Variants in HCN4 observed in about 807,000 individuals in gnomAD.
HCN4 encodes potassium/sodium hyperpolarization-activated cyclic nucleotide-gated channel 4.
Under a neutral mutation model 76.9 loss-of-function variants are expected in HCN4, and 29 were observed. The ratio of observed to expected loss-of-function variants is 0.38; its 90% CI spans 0.28 to 0.51. HCN4 has a LOEUF of 0.51. Ranked by LOEUF, HCN4 falls within the 20% of genes least tolerant of loss-of-function variation. The pLI, the probability that HCN4 is intolerant of heterozygous loss-of-function variation, is 0.90. For missense variants in HCN4, 1,416 were observed against 1,715.2 expected (o/e 0.83, Z 3.08); for synonymous variants, 772 against 762.5 (o/e 1.01, Z -0.21).
At chr15:73,356,328 C>T (rs2043079800) in intron 1 of HCN4, among the ~76,000 whole-genome samples, 1 of 150,316 alleles carries the variant, frequency 6.7e-6, no homozygotes, top group Admixed American at 6.6e-5. Flanking sequence ...GCTGGGACTA[C>T]AGGCACACAC....
Position 73,322,902 on chromosome 15 carries a change from T to C in HCN4, c.3191A>G (p.Gln1064Arg). The C allele has an allele frequency of 7.6e-7, 1 of 1,307,642 alleles. No homozygotes were observed. The highest frequency in any genetic ancestry group is 9.9e-7 in the Non-Finnish European group (1 of 1,005,270). 81.0% of individuals were successfully genotyped at this position (1,307,642 alleles called of 1,614,324 possible). A position where few individuals can be genotyped will look rare whatever the true frequency, so the allele number is the denominator to read the frequency against. Residue 1064 changes from glutamine (Q) to arginine (R), a missense_variant, in exon 8 of 8, where the codon CAG becomes CGG. Gln to Arg is a conservative substitution (Grantham distance 43). Coordinates refer to ENST00000261917, the MANE Select transcript of HCN4 (RefSeq NM_005477.3). ...GGGTGTGCCCCGGCGCTGGGGGACC[T>C]GGGGTGGTGGGGGGCTGGATGCAGG... Reference protein sequence around the residue: ...LPPASSPPPPQVPQRRGTPPL... With the variant: ...LPPASSPPPPRVPQRRGTPPL...
chr15:73,336,751 G>A (rs996886975), intron 2 of HCN4, among the ~76,000 whole-genome samples: 12 of 151,852 alleles, frequency 7.9e-5, no homozygotes, highest in South Asian at 2.1e-4. Context: ...CTAAACACCC[G>A]CAAGATGACA....
At chr15:73,346,189 G>A (rs1167012395) in intron 1 of HCN4, among the ~76,000 whole-genome samples, 1 of 152,142 alleles carries the variant, frequency 6.6e-6, no homozygotes, top group Admixed American at 6.5e-5. Context: ...CAGAGCTGCT[G>A]GAGAGACAGT....
At position 73,321,484 on chromosome 15, in the gene HCN4, T is replaced by TAA. The variant is rs1175875171; in HGVS notation, c.*995_*996dup. Reference sequence around the variant, plus strand: ...ATGGTCTTTGTGAAACTGAAGGAGTTAATGTGTGTAAAGTGCGAAACCAGT... The same window carrying TAA: ...ATGGTCTTTGTGAAACTGAAGGAGTTAAAATGTGTGTAAAGTGCGAAACCAGT... On this transcript the variant is annotated 3_prime_UTR_variant, in exon 8 of 8. Transcript: ENST00000261917. 3.3e-5 allele frequency: 5 copies of TAA among 152,462 alleles called. No individual in the cohort carries two copies. The East Asian group carries it at 7.7e-4, about 23-fold the overall frequency. 9.4% of individuals were successfully genotyped at this position (152,462 alleles called of 1,614,324 possible).
rs751462164 is a variant in HCN4 at position 73,332,253 on chromosome 15, G to C, written c.1249C>G (p.Arg417Gly). The change falls in exon 3 of 8, where the codon CGC (arginine) becomes GGC (glycine). Residue 417 changes from arginine (R) to glycine (G), a missense_variant. Physicochemically the swap from Arg to Gly is moderately radical, Grantham distance 125. Coordinates refer to ENST00000261917, the MANE Select transcript of HCN4 (RefSeq NM_005477.3). The stretch of plus-strand genomic sequence containing the variant: ...ATCATGCCGATGAGGTTCACGATGC[G>C]CACCACGGCGCTGGCCAGGTCGTAG... Reference protein sequence around the residue: ...MTYDLASAVVRIVNLIGMMLL... With the variant: ...MTYDLASAVVGIVNLIGMMLL... 1 of 1,614,212 alleles carries C rather than the reference G, an allele frequency of 6.2e-7. No individual in the cohort carries two copies. Among genetic ancestry groups the C allele is most frequent in the South Asian group, 1.1e-5 (1 of 91,088 alleles).
At chr15:73,331,810 C>T (rs567700395) in intron 3 of HCN4, among the ~76,000 whole-genome samples, 1 of 152,238 alleles carries the variant, frequency 6.6e-6, no homozygotes, top group Non-Finnish European at 1.5e-5. Context: ...GCTGCCAGCC[C>T]AGCATTGCCA....
intron 2 of HCN4, among the ~76,000 whole-genome samples, chr15:73,339,263 G>T (rs1567782997): frequency 1.3e-5 from 2 of 152,340 alleles, no homozygotes; most frequent in African/African-American, 4.8e-5. Context: ...GATCGCCCAG[G>T]ATGGAGGCAA....
Position 73,322,552 on chromosome 15 carries a change from T to C in HCN4, c.3541A>G (p.Thr1181Ala). Reference sequence around the variant, plus strand: ...CCAGGTTCCCTCTGGGGTCCAGCAGTCAGAGGGGGCCCCCCAGAAGAGGTG... The same window carrying C: ...CCAGGTTCCCTCTGGGGTCCAGCAGCCAGAGGGGGCCCCCCAGAAGAGGTG... The part of the protein sequence containing the change: ...RATSSGGPPL[T>A]AGPQREPGAR... Residue 1181 changes from threonine (T) to alanine (A), a missense_variant, in exon 8 of 8, where the codon ACT (threonine) becomes GCT (alanine). This residue lies in a region of HCN4 where 633 missense variants were observed against 579.8 expected (regional missense o/e 1.09). Transcript: ENST00000261917. 1.2e-6 allele frequency: 2 copies of C among 1,606,778 alleles called. No homozygotes were observed. The highest frequency in any genetic ancestry group is 1.7e-6 in the Non-Finnish European group (2 of 1,176,974).
intron 1 of HCN4, among the ~76,000 whole-genome samples, chr15:73,352,391 C>T (rs1286528328): frequency 6.6e-6 from 1 of 152,196 alleles, no homozygotes; most frequent in Non-Finnish European, 1.5e-5. Flanking sequence ...CATCCAAACC[C>T]CCAAGACTCA....
At chr15:73,332,038 TG>T in intron 3 of HCN4, 92 bp downstream of exon 3, 2 of 1,292,192 alleles carry the variant, frequency 1.5e-6, no homozygotes, top group African/African-American at 1.5e-5. Flanking sequence ...TCCTACATGC[TG>T]GAACTCAGAA....
Position 73,368,057 on chromosome 15 carries a change from G to C in HCN4, c.214C>G (p.Leu72Val), listed in dbSNP as rs2043137832. 3.4e-6 allele frequency: 5 copies of C among 1,478,854 alleles called. No homozygotes were observed. The South Asian group carries it at 6.4e-5, about 19-fold the overall frequency. The allele number at this position is 1,478,854 out of a possible 1,614,324, so 91.6% of individuals were successfully genotyped here. A position where few individuals can be genotyped will look rare whatever the true frequency, so the allele number is the denominator to read the frequency against. The change falls in exon 1 of 8, where the codon CTC becomes GTC. Residue 72 changes from leucine to valine, a missense_variant. Leu to Val is a conservative substitution (Grantham distance 32). Transcript: ENST00000261917. The surrounding 1 kb of genome is among the most constrained non-coding windows in gnomAD (Gnocchi z 6.9). ...AGGTESRSSA[L>V]GAADSEGPAR... is the part of the protein sequence containing the mutation. ...GGCCCTTCGCTGTCCGCTGCCCCGA[G>C]GGCCGAGCTCCGGGACTCCGTGCCA...
intron 3 of HCN4, among the ~76,000 whole-genome samples, chr15:73,331,058 TGGGAATTTGCCTTCAGAA>T: frequency 6.6e-6 from 1 of 152,182 alleles, no homozygotes; most frequent in Non-Finnish European, 1.5e-5. Context: ...CCTGGGGCCC[TGGGAATTTGCCTTCAGAA>T]CAAACCAAAC....
intron 1 of HCN4, among the ~76,000 whole-genome samples, chr15:73,345,648 C>T (rs986727432): frequency 1.3e-5 from 2 of 152,206 alleles, no homozygotes; most frequent in African/African-American, 4.8e-5. Context: ...CAGCTGTGTA[C>T]ACTCATTAGA....
intron 1 of HCN4, among the ~76,000 whole-genome samples, chr15:73,352,097 T>C (rs956578218): frequency 2.6e-5 from 4 of 152,150 alleles, no homozygotes; most frequent in Non-Finnish European, 5.9e-5. Context: ...TATAAGAAAC[T>C]GTGTGTGTGA....
At chr15:73,329,346 G>T (rs760692779) in intron 4 of HCN4, among the ~76,000 whole-genome samples, 1 of 152,222 alleles carries the variant, frequency 6.6e-6, no homozygotes, top group Non-Finnish European at 1.5e-5. Context: ...CTGGAGACGG[G>T]GAAGGTGGGA....
chr15:73,340,004 T>G (rs1050665810), intron 2 of HCN4, among the ~76,000 whole-genome samples: 6 of 152,188 alleles, frequency 3.9e-5, no homozygotes, highest in Non-Finnish European at 5.9e-5. Flanking sequence ...TCTGGCCTCC[T>G]GGGATCTTCT....
chr15:73,334,643 C>T (rs532372927), intron 2 of HCN4, among the ~76,000 whole-genome samples: 1 of 152,114 alleles, frequency 6.6e-6, no homozygotes, highest in East Asian at 1.9e-4. Context: ...CATTCACGGT[C>T]TCAGAGCCGG....
At chr15:73,340,201 G>A (rs1236812245) in intron 2 of HCN4, among the ~76,000 whole-genome samples, 2 of 152,228 alleles carry the variant, frequency 1.3e-5, no homozygotes, top group African/African-American at 4.8e-5. Flanking sequence ...GATGCATAAT[G>A]TGGGGACGTG....
At chr15:73,366,007 T>A (rs974608994) in intron 1 of HCN4, among the ~76,000 whole-genome samples, 1 of 152,180 alleles carries the variant, frequency 6.6e-6, no homozygotes, top group Admixed American at 6.5e-5. Flanking sequence ...AAGCCCACTC[T>A]TCAGGAACCT....
Sources: allele counts gnomAD v4.1 joint callset (sites outside exome capture counted in the v4.1 genomes callset), GRCh38; gene constraint gnomAD v4.1.1; regional missense constraint gnomAD v4.1.1; non-coding constraint Gnocchi (gnomAD v3.1); transcripts MANE v1.5; gene names NCBI Gene and HGNC (gene_info 2026-07-23, HGNC 2026-07-21).